GALNT13: variants seen among roughly 807,000 people sequenced by gnomAD.
The protein encoded by GALNT13 is polypeptide N-acetylgalactosaminyltransferase 13, also known as UDP-GalNAc:polypeptide N-acetylgalactosaminyltransferase 13.
Under a neutral mutation model 64.2 loss-of-function variants are expected in GALNT13, and 28 were observed. The ratio of observed to expected loss-of-function variants is 0.44; its 90% CI spans 0.32 to 0.60. The LOEUF is 0.60. Among genes scored for constraint, GALNT13 ranks in the 20% least tolerant of loss-of-function variants. GALNT13 has a pLI of 0.05. For synonymous variants in GALNT13, 214 were observed against 224.6 expected, an observed-to-expected ratio of 0.95 and a Z score of 0.42; for missense variants, 577 against 669.8, an observed-to-expected ratio of 0.86 and a Z score of 1.53.
chr2:154,308,773 C>T (rs1693878495), intron 9 of GALNT13, among the ~76,000 whole-genome samples: 1 of 152,006 alleles, frequency 6.6e-6, no homozygotes, highest in Non-Finnish European at 1.5e-5. Flanking sequence ...TTTTAAAGTG[C>T]CATGTTATAA....
the GALNT13 span, among the ~76,000 whole-genome samples, chr2:153,402,042 G>A: frequency 6.9e-6 from 1 of 145,158 alleles, no homozygotes; most frequent in East Asian, 2.0e-4. Context: ...TTACATTTTG[G>A]CATGATTTTG....
At chr2:153,870,387 T>G (rs1685845990), upstream of GALNT13, among the ~76,000 whole-genome samples, 1 of 151,998 alleles carries the variant, frequency 6.6e-6, no homozygotes, top group South Asian at 2.1e-4. Flanking sequence ...ATAGGACTAG[T>G]AAGTAGCTGT....
intron 9 of GALNT13, among the ~76,000 whole-genome samples, chr2:154,326,246 G>T (rs1694867487): frequency 1.3e-5 from 2 of 150,246 alleles, no homozygotes; most frequent in South Asian, 4.2e-4. Flanking sequence ...AAATGCACAG[G>T]TTTTTCCAAC....
chr2:154,285,180 A>G (rs1343339428), intron 8 of GALNT13, among the ~76,000 whole-genome samples: 1 of 151,902 alleles, frequency 6.6e-6, no homozygotes, highest in East Asian at 1.9e-4. Flanking sequence ...TTGTCTCCTC[A>G]CTCTGTTGTT....
the GALNT13 span, among the ~76,000 whole-genome samples, chr2:153,516,254 G>A: frequency 6.6e-6 from 1 of 152,072 alleles, no homozygotes; most frequent in East Asian, 1.9e-4. Flanking sequence ...TTTGGAGTAT[G>A]GATTCTCAGT....
chr2:154,400,599 G>A (rs1015297570), intron 10 of GALNT13, among the ~76,000 whole-genome samples: 2 of 151,946 alleles, frequency 1.3e-5, no homozygotes, highest in Non-Finnish European at 2.9e-5. Context: ...TTTTATGTTT[G>A]CATCTTACTC....
chr2:154,178,382 C>T (rs987286789), intron 4 of GALNT13, among the ~76,000 whole-genome samples: 4 of 127,246 alleles, frequency 3.1e-5, no homozygotes, highest in Admixed American at 2.1e-4. Context: ...CACATGGACA[C>T]GGGAAGGGGA....
the GALNT13 span, among the ~76,000 whole-genome samples, chr2:153,137,829 C>G: frequency 1.3e-5 from 2 of 151,816 alleles, no homozygotes; most frequent in African/African-American, 4.8e-5. Context: ...TAGGTTGTAA[C>G]ACTGAAAGTC....
chr2:153,245,685 T>C, the GALNT13 span, among the ~76,000 whole-genome samples: 1 of 152,148 alleles, frequency 6.6e-6, no homozygotes, highest in Admixed American at 6.5e-5. Flanking sequence ...TCCATGAAGA[T>C]GAGGAAAAAC....
chr2:153,538,321 T>TTTG, the GALNT13 span, among the ~76,000 whole-genome samples: 2 of 105,886 alleles, frequency 1.9e-5, no homozygotes, highest in African/African-American at 1.0e-4. Flanking sequence ...TTTTTTTTTT[T>TTTG]AATTCTTTTT....
At chr2:154,139,621 AACACACACACACAC>A (rs59526662) in intron 3 of GALNT13, among the ~76,000 whole-genome samples, 6 of 147,444 alleles carry the variant, frequency 4.1e-5, no homozygotes, top group African/African-American at 1.5e-4. Context: ...ATGTGTAGGC[AACACACACACACAC>A]ACACACACAC....
intron 4 of GALNT13, among the ~76,000 whole-genome samples, chr2:154,176,240 A>ATTATTTAT (rs3075864): frequency 0.037 from 4,883 of 132,710 alleles, 140 homozygotes; most frequent in Middle Eastern, 0.07. Context: ...GAACATATAT[A>ATTATTTAT]TTATTTATTT....
the GALNT13 span, among the ~76,000 whole-genome samples, chr2:153,464,756 C>T: frequency 2.0e-5 from 3 of 151,970 alleles, no homozygotes; most frequent in African/African-American, 7.2e-5. Flanking sequence ...TAGAAACAGA[C>T]AACTCGGGTC....
the GALNT13 span, among the ~76,000 whole-genome samples, chr2:153,435,489 T>A: frequency 1.3e-5 from 2 of 151,992 alleles, no homozygotes; most frequent in Admixed American, 6.6e-5. Context: ...TTTGTTTGTA[T>A]CCTCTTTTAT....
intron 11 of GALNT13, among the ~76,000 whole-genome samples, chr2:154,428,845 G>A (rs1471063823): frequency 1.3e-5 from 2 of 150,982 alleles, no homozygotes; most frequent in Admixed American, 6.6e-5. Flanking sequence ...GCAGTGGCGC[G>A]ATCTCTGCTC....
the GALNT13 span, among the ~76,000 whole-genome samples, chr2:153,507,079 G>A: frequency 2.0e-5 from 3 of 150,586 alleles, no homozygotes; most frequent in Middle Eastern, 3.4e-3. Flanking sequence ...AATTTGATGG[G>A]TTAGTTCAAA....
At chr2:153,372,310 G>C in the GALNT13 span, among the ~76,000 whole-genome samples, 11 of 152,074 alleles carry the variant, frequency 7.2e-5, no homozygotes, top group Non-Finnish European at 1.2e-4. Flanking sequence ...TAGGAAAAAA[G>C]CTTCTAGTCT....
intron 9 of GALNT13, among the ~76,000 whole-genome samples, chr2:154,393,898 G>T (rs900008791): frequency 6.0e-5 from 9 of 150,658 alleles, no homozygotes; most frequent in African/African-American, 2.2e-4. Context: ...CTAAAACGGT[G>T]AAACCCCGTC....
chr2:153,883,959 A>G (rs1228673130), intron 1 of GALNT13, among the ~76,000 whole-genome samples: 1 of 152,078 alleles, frequency 6.6e-6, no homozygotes, highest in Non-Finnish European at 1.5e-5. Flanking sequence ...TGCAAATATT[A>G]TCAAGACTGA....
Sources: allele counts gnomAD v4.1 joint callset (sites outside exome capture counted in the v4.1 genomes callset), GRCh38; gene constraint gnomAD v4.1.1; transcripts MANE v1.5; gene names NCBI Gene and HGNC (gene_info 2026-07-23, HGNC 2026-07-21).